Variants in SUPT3H observed in about 807,000 individuals in gnomAD.
SUPT3H encodes transcription initiation protein SPT3 homolog.
In SUPT3H, 44 loss-of-function variants were observed where a neutral mutation model predicts 44.3. That is an observed-to-expected ratio of 0.99 (90% CI 0.78 to 1.28). The LOEUF is 1.28. Ranked by LOEUF, SUPT3H falls within the 50% of genes most tolerant of loss-of-function variation. The pLI, the probability that SUPT3H is intolerant of heterozygous loss-of-function variation, is 0.00. For synonymous variants in SUPT3H, 124 were observed against 125.6 expected, an observed-to-expected ratio of 0.99 and a Z score of 0.09; for missense variants, 380 against 387.1, an observed-to-expected ratio of 0.98 and a Z score of 0.15.
At chr6:45,105,211 A>G (rs1799104147) in intron 3 of SUPT3H, among the ~76,000 whole-genome samples, 1 of 152,078 alleles carries the variant, frequency 6.6e-6, no homozygotes. Flanking sequence ...CATTTGAAAA[A>G]TGATAAAATT....
intron 2 of SUPT3H, among the ~76,000 whole-genome samples, chr6:45,175,012 T>TA (rs57838175): frequency 0.062 from 3,875 of 62,476 alleles, 184 homozygotes; most frequent in African/African-American, 0.083. Flanking sequence ...CCCTCGTCAC[T>TA]AAAAAAAAAA....
chr6:44,927,930 T>C (rs1479793904), intron 10 of SUPT3H, among the ~76,000 whole-genome samples: 3 of 152,242 alleles, frequency 2.0e-5, no homozygotes, highest in Non-Finnish European at 4.4e-5. Flanking sequence ...GCTTACTTTG[T>C]ATTATTTATG....
At chr6:44,962,473 G>T (rs559839887) in intron 6 of SUPT3H, among the ~76,000 whole-genome samples, 41 of 151,982 alleles carry the variant, frequency 2.7e-4, no homozygotes, top group African/African-American at 8.0e-4. Flanking sequence ...GAAAGAATAT[G>T]ACCACTTCCG....
intron 3 of SUPT3H, among the ~76,000 whole-genome samples, chr6:45,087,010 C>A (rs1316797816): frequency 6.6e-6 from 1 of 151,842 alleles, no homozygotes; most frequent in African/African-American, 2.4e-5. Context: ...GCCAATCTTT[C>A]TTTCAAACAA....
chr6:45,027,061 C>A (rs1786139768), intron 3 of SUPT3H, among the ~76,000 whole-genome samples: 1 of 145,234 alleles, frequency 6.9e-6, no homozygotes, highest in Non-Finnish European at 1.5e-5. Context: ...GTGATCACAG[C>A]TCACTGCAGC....
intron 2 of SUPT3H, among the ~76,000 whole-genome samples, chr6:45,308,534 G>C (rs7382013): frequency 0.15 from 22,721 of 151,968 alleles, 1,916 homozygotes; most frequent in East Asian, 0.26. Context: ...ACTTCACAGA[G>C]AAGCAAATGC....
At chr6:44,987,031 G>T (rs999631865) in intron 6 of SUPT3H, among the ~76,000 whole-genome samples, 5 of 152,202 alleles carry the variant, frequency 3.3e-5, no homozygotes, top group African/African-American at 7.2e-5. Flanking sequence ...GGTTCTGAAG[G>T]CTAGAGGTTC....
chr6:45,344,533 C>G (rs1278927472), intron 2 of SUPT3H, among the ~76,000 whole-genome samples: 14 of 151,856 alleles, frequency 9.2e-5, no homozygotes, highest in Admixed American at 9.2e-4. Flanking sequence ...ACGTCTAGAA[C>G]AGTAACATTA....
intron 5 of SUPT3H, among the ~76,000 whole-genome samples, chr6:45,014,361 A>G (rs149367209): frequency 2.2e-4 from 34 of 152,112 alleles, no homozygotes; most frequent in Non-Finnish European, 4.6e-4. Flanking sequence ...GCAGGCAGGT[A>G]TCAAGTGCTT....
chr6:45,120,480 T>G (rs1033168332), intron 2 of SUPT3H, among the ~76,000 whole-genome samples: 6 of 125,014 alleles, frequency 4.8e-5, no homozygotes, highest in African/African-American at 1.5e-4. Flanking sequence ...GTGACTGGAG[T>G]AGGATGATGA....
intron 2 of SUPT3H, among the ~76,000 whole-genome samples, chr6:45,305,229 G>T (rs141037034): frequency 3.3e-5 from 5 of 152,190 alleles, no homozygotes; most frequent in African/African-American, 1.2e-4. Flanking sequence ...CATATTACCG[G>T]AACATAACTC....
At chr6:45,169,429 A>T (rs139517761) in intron 2 of SUPT3H, among the ~76,000 whole-genome samples, 1 of 152,214 alleles carries the variant, frequency 6.6e-6, no homozygotes, top group East Asian at 1.9e-4. Context: ...ATCATTTGCT[A>T]TGATCCAACT....
At chr6:44,813,748 T>C in intron 11 of SUPT3H, among the ~76,000 whole-genome samples, 1 of 149,936 alleles carries the variant, frequency 6.7e-6, no homozygotes, top group South Asian at 2.1e-4. Flanking sequence ...TAATAGAATT[T>C]TAGAAGGAAA....
chr6:45,006,851 A>C (rs1258317332), intron 5 of SUPT3H, among the ~76,000 whole-genome samples: 3 of 152,148 alleles, frequency 2.0e-5, no homozygotes, highest in Non-Finnish European at 4.4e-5. Flanking sequence ...GCATGTTCTC[A>C]CATATTGTAT....
chr6:45,192,275 A>C (rs182567374), intron 2 of SUPT3H, among the ~76,000 whole-genome samples: 222 of 152,234 alleles, frequency 1.5e-3, no homozygotes, highest in African/African-American at 5.1e-3. Context: ...TAGATTTTGC[A>C]AGGGGAAAAA....
At chr6:45,203,938 T>C (rs1762805146) in intron 2 of SUPT3H, among the ~76,000 whole-genome samples, 1 of 152,120 alleles carries the variant, frequency 6.6e-6, no homozygotes, top group Non-Finnish European at 1.5e-5. Context: ...CTTTCTATAA[T>C]AAATTATTAG....
At chr6:45,166,036 C>A (rs1014726564) in intron 2 of SUPT3H, among the ~76,000 whole-genome samples, 1 of 152,084 alleles carries the variant, frequency 6.6e-6, no homozygotes, top group Admixed American at 6.5e-5. Flanking sequence ...CTCACGCCTG[C>A]AATCCTAGCA....
At chr6:44,871,201 A>G (rs1183461545) in intron 10 of SUPT3H, among the ~76,000 whole-genome samples, 214 of 146,312 alleles carry the variant, frequency 1.5e-3, no homozygotes, top group Middle Eastern at 3.6e-3. Flanking sequence ...GGCAGGGCAC[A>G]GACAAACAAA....
At chr6:44,958,872 G>GTTTTTTTTTTT (rs10670652) in intron 7 of SUPT3H, among the ~76,000 whole-genome samples, 1 of 98,278 alleles carries the variant, frequency 1.0e-5, no homozygotes, top group Non-Finnish European at 1.9e-5. Flanking sequence ...CTTATCAATG[G>GTTTTTTTTTTT]TTTTTTTTTT....
Sources: gnomAD v4.1 joint callset for allele counts (sites outside exome capture counted in the v4.1 genomes callset) on GRCh38, gnomAD v4.1.1 for gene constraint, MANE v1.5 for transcripts, NCBI Gene and HGNC (gene_info 2026-07-23, HGNC 2026-07-21) for gene names.